USP35: variants seen among roughly 807,000 people sequenced by gnomAD.
The protein encoded by USP35 is ubiquitin specific peptidase 35.
USP35 carries 69 observed loss-of-function variants against 83.8 expected under a neutral mutation model. The observed-to-expected ratio is 0.82, with a 90% confidence interval of 0.68 to 1.01. The LOEUF (loss-of-function observed/expected upper bound fraction) is 1.01, where lower values mean the gene tolerates loss of function less well. Among genes scored for constraint, USP35 ranks in the 50% least tolerant of loss-of-function variants. The pLI, the probability that USP35 is intolerant of heterozygous loss-of-function variation, is 0.00. For missense variants in USP35, 1,503 were observed against 1,362.5 expected (o/e 1.10, Z -1.62); for synonymous variants, 714 against 589.5 (o/e 1.21, Z -3.06).
chr11:78,203,455 C>T (rs904840665), intron 6 of USP35, among the ~76,000 whole-genome samples: 8 of 152,164 alleles, frequency 5.3e-5, no homozygotes, highest in Admixed American at 2.0e-4. Flanking sequence ...AAGTACTTGA[C>T]GTCAGAGAGG....
rs768195376 is a variant in USP35 at position 78,209,579 on chromosome 11, T to C, written c.1724T>C (p.Val575Ala). 2.5e-6 allele frequency: 4 copies of C among 1,614,126 alleles called. No homozygotes were observed. Among genetic ancestry groups the C allele is most frequent in the Non-Finnish European group, 3.4e-6 (4 of 1,180,006 alleles). Residue 575 changes from valine to alanine, a missense_variant, in exon 10 of 11, where the codon GTG (valine) becomes GCG (alanine). Transcript: ENST00000529308. ...SVEKMFGGKI[V>A]TRICCLCCLN... ...GAAAAAATGTTTGGAGGCAAGATAG[T>C]GACTCGGATCTGCTGTCTCTGCTGC... is the stretch of plus-strand genomic sequence containing the variant.
At chr11:78,194,944 C>G (rs958579943) in intron 1 of USP35, among the ~76,000 whole-genome samples, 3 of 151,984 alleles carry the variant, frequency 2.0e-5, no homozygotes, top group African/African-American at 7.3e-5. Context: ...GGGAGATTGA[C>G]CCAGGCAGGG....
chr11:78,209,367 A>C, intron 9 of USP35, 81 bp from the exon 10 acceptor site: 1 of 1,400,120 alleles, frequency 7.1e-7, no homozygotes, highest in Non-Finnish European at 9.5e-7. Context: ...CTGTTGGGGA[A>C]GGTAAATGGG....
the USP35 span, among the ~76,000 whole-genome samples, chr11:78,222,922 C>T: frequency 7.2e-5 from 11 of 152,132 alleles, no homozygotes; most frequent in African/African-American, 2.2e-4. Flanking sequence ...AGATGGTCAC[C>T]GTGACTACTC....
At chr11:78,219,499 G>T, downstream of USP35, 1 of 1,285,928 alleles carries the variant, frequency 7.8e-7, no homozygotes, top group Non-Finnish European at 1.1e-6. Context: ...GGATCTTCCT[G>T]AGCTGTCTGA....
At chr11:78,220,360 C>T in the USP35 span, 1 of 1,612,848 alleles carries the variant, frequency 6.2e-7, no homozygotes. Context: ...AAGTCCAGGG[C>T]CAGATAATCA....
intron 10 of USP35, 149 bp from the exon 11 acceptor site, chr11:78,213,497 C>G: frequency 2.2e-6 from 2 of 917,272 alleles, no homozygotes; most frequent in Non-Finnish European, 3.0e-6. Context: ...GTGTCCACCC[C>G]GGATATCCTG....
At chr11:78,194,283 G>T (rs1055403157) in intron 1 of USP35, among the ~76,000 whole-genome samples, 1 of 152,160 alleles carries the variant, frequency 6.6e-6, no homozygotes, top group African/African-American at 2.4e-5. Flanking sequence ...ATCGTAACAC[G>T]TGCAGCAATG....
At chr11:78,207,650 G>C in intron 8 of USP35, 27 bp downstream of exon 8, 6 of 1,608,220 alleles carry the variant, frequency 3.7e-6, no homozygotes, top group African/African-American at 1.3e-5. Flanking sequence ...TCAGAGGGGG[G>C]TGGAGAGGCA....
chr11:78,212,944 G>GCCT (rs1263390284), intron 10 of USP35, among the ~76,000 whole-genome samples: 1 of 152,148 alleles, frequency 6.6e-6, no homozygotes, highest in Non-Finnish European at 1.5e-5. Context: ...ACCCACGTGA[G>GCCT]CCTCCTGTGT....
At position 78,207,537 on chromosome 11, in the gene USP35, C is replaced by T. The variant is rs200905468; in HGVS notation, c.1399C>T (p.His467Tyr). 1.6e-4 allele frequency: 263 copies of T among 1,613,968 alleles called. No individual in the cohort carries two copies. The highest frequency in any genetic ancestry group is 2.1e-4 in the Non-Finnish European group (243 of 1,180,012). Reference sequence around the variant, plus strand: ...CCCTGCTTTGTTTTGAAGCTTCAGACATTGTGTGCTCCGCTTGACTGAGAA... The same window carrying T: ...CCCTGCTTTGTTTTGAAGCTTCAGATATTGTGTGCTCCGCTTGACTGAGAA... Reference protein sequence around the residue: ...QALFMASDFRHCVLRLTENNS... With the variant: ...QALFMASDFRYCVLRLTENNS... Residue 467 changes from histidine to tyrosine, a missense_variant, in exon 8 of 11, where the codon CAT becomes TAT. Physicochemically the swap from His to Tyr is moderately conservative, Grantham distance 83. Coordinates refer to ENST00000529308, the MANE Select transcript of USP35 (RefSeq NM_020798.4).
intron 10 of USP35, among the ~76,000 whole-genome samples, chr11:78,212,100 C>T (rs115407481): frequency 0.017 from 2,636 of 152,234 alleles, 76 homozygotes; most frequent in African/African-American, 0.06. Context: ...TTTAATCCAT[C>T]GAGTGAATTT....
At chr11:78,203,326 A>AG (rs1565398577) in intron 6 of USP35, among the ~76,000 whole-genome samples, 1 of 152,008 alleles carries the variant, frequency 6.6e-6, no homozygotes, top group African/African-American at 2.4e-5. Context: ...GGAACATGTG[A>AG]GGTTAGTTTG....
chr11:78,194,757 C>A (rs1426337582), intron 1 of USP35, among the ~76,000 whole-genome samples: 2 of 152,150 alleles, frequency 1.3e-5, no homozygotes, highest in Non-Finnish European at 2.9e-5. Context: ...TGCATTTGCT[C>A]ATCCAGCAAA....
At chr11:78,215,836 A>AGAT (rs772952899), downstream of USP35, 6 of 152,692 alleles carry the variant, frequency 3.9e-5, no homozygotes, top group African/African-American at 1.2e-4. Context: ...ATGAAGGCCC[A>AGAT]GATGGGGAAG....
At chr11:78,219,304 A>T (rs1299722891), downstream of USP35, 1 of 1,613,828 alleles carries the variant, frequency 6.2e-7, no homozygotes, top group Non-Finnish European at 8.5e-7. Context: ...GGCTCTGAGG[A>T]CTGCCGCACG....
intron 4 of USP35, 81 bp downstream of exon 4, chr11:78,199,805 G>T: frequency 6.2e-7 from 1 of 1,600,762 alleles, no homozygotes. Context: ...TGGGAGGTCA[G>T]AGCATTGGGC....
At chr11:78,236,296 C>T in the USP35 span, among the ~76,000 whole-genome samples, 1 of 152,114 alleles carries the variant, frequency 6.6e-6, no homozygotes, top group African/African-American at 2.4e-5. Context: ...TATCTTGTGA[C>T]CTTGCTAAAC....
chr11:78,189,077 G>A lies in USP35; in HGVS notation c.-91G>A. 1 of 588,950 alleles carries A rather than the reference G, an allele frequency of 1.7e-6. No homozygotes were observed. Among genetic ancestry groups the A allele is most frequent in the Non-Finnish European group, 2.1e-6 (1 of 467,466 alleles). The allele number at this position is 588,950 out of a possible 1,614,324, so 36.5% of individuals were successfully genotyped here. A position where few individuals can be genotyped will look rare whatever the true frequency, so the allele number is the denominator to read the frequency against. On this transcript the variant is annotated 5_prime_UTR_variant, in exon 1 of 11. Coordinates refer to ENST00000529308, the MANE Select transcript of USP35 (RefSeq NM_020798.4). ...CTGGGGGGAGCAGAGGACCAGCCCT[G>A]ACCTAGCCGGGCCCAGCCTCGTCCT... is the stretch of plus-strand genomic sequence containing the variant.
Sources: gnomAD v4.1 joint callset for allele counts (sites outside exome capture counted in the v4.1 genomes callset) on GRCh38, gnomAD v4.1.1 for gene constraint, MANE v1.5 for transcripts, NCBI Gene and HGNC (gene_info 2026-07-23, HGNC 2026-07-21) for gene names.